MEI4: variants seen among roughly 807,000 people sequenced by gnomAD.
MEI4 encodes the protein meiotic double-stranded break formation protein 4.
MEI4 carries 27 observed loss-of-function variants against 31.4 expected under a neutral mutation model. The ratio of observed to expected loss-of-function variants is 0.86; its 90% CI spans 0.63 to 1.19. The LOEUF is 1.19. Ranked by LOEUF, MEI4 falls within the 50% of genes most tolerant of loss-of-function variation. MEI4 has a pLI of 0.00. For missense variants in MEI4, 329 were observed against 398.9 expected, an observed-to-expected ratio of 0.82 and a Z score of 1.49; for synonymous variants, 122 against 145.4, an observed-to-expected ratio of 0.84 and a Z score of 1.16.
chr6:77,801,267 A>C (rs1443939300), intron 3 of MEI4, among the ~76,000 whole-genome samples: 3 of 152,110 alleles, frequency 2.0e-5, no homozygotes, highest in Admixed American at 2.0e-4. Flanking sequence ...TAGATTTTCT[A>C]GTTTATTTGC....
At chr6:77,719,476 A>G (rs1766666621) in intron 2 of MEI4, among the ~76,000 whole-genome samples, 1 of 53,220 alleles carries the variant, frequency 1.9e-5, no homozygotes, top group Admixed American at 2.2e-4. Flanking sequence ...GGCAAATAGG[A>G]TAACGATACC....
chr6:77,742,697 T>C (rs1341818594), intron 2 of MEI4, among the ~76,000 whole-genome samples: 1 of 152,226 alleles, frequency 6.6e-6, no homozygotes, highest in Non-Finnish European at 1.5e-5. Flanking sequence ...TCCTTGCCCA[T>C]GCCTGTGTCC....
intron 2 of MEI4, among the ~76,000 whole-genome samples, chr6:77,725,161 G>A (rs1249208314): frequency 1.1e-5 from 1 of 94,028 alleles, no homozygotes; most frequent in East Asian, 2.8e-4. Context: ...AGCTTGATTA[G>A]ATTTTTTGTA....
At position 77,923,403 on chromosome 6, in the gene MEI4, A is replaced by T; in HGVS notation, c.*57A>T. On this transcript the variant is annotated 3_prime_UTR_variant, in exon 5 of 5. Transcript: ENST00000684080. Reference sequence around the variant, plus strand: ...GCATAATAAAGTAGAATATATGAAAATCTCATACTGAAAAGATTTTCAATA... The same window carrying T: ...GCATAATAAAGTAGAATATATGAAATTCTCATACTGAAAAGATTTTCAATA... 1 of 1,184,074 alleles carries T rather than the reference A, an allele frequency of 8.4e-7. No individual in the cohort carries two copies. The highest frequency in any genetic ancestry group is 1.1e-6 in the Non-Finnish European group (1 of 945,646). 73.3% of individuals were successfully genotyped at this position (1,184,074 alleles called of 1,614,324 possible).
rs1363753699 is a variant in MEI4, at chr6:77,925,781, T to C, written c.*2435T>C. On this transcript the variant is annotated 3_prime_UTR_variant, in exon 5 of 5. Coordinates refer to ENST00000684080, the MANE Select transcript of MEI4 (RefSeq NM_001322247.2). The stretch of plus-strand genomic sequence containing the variant: ...ATAATAAATATATGATAATATATTT[T>C]ATATGAGAGTAAATATATATTAAAT... 3 of 148,108 alleles carry C rather than the reference T, an allele frequency of 2.0e-5. No homozygotes were observed. The highest frequency in any genetic ancestry group is 6.8e-5 in the Admixed American group (1 of 14,702). 9.2% of individuals were successfully genotyped at this position (148,108 alleles called of 1,614,324 possible).
intron 4 of MEI4, among the ~76,000 whole-genome samples, chr6:77,859,552 C>T (rs184351463): frequency 6.6e-6 from 1 of 152,228 alleles, no homozygotes; most frequent in Admixed American, 6.5e-5. Context: ...TTTTAATAAT[C>T]GCCATTCTGA....
At chr6:77,729,215 G>A (rs141315092) in intron 2 of MEI4, among the ~76,000 whole-genome samples, 1 of 152,280 alleles carries the variant, frequency 6.6e-6, no homozygotes, top group Non-Finnish European at 1.5e-5. Flanking sequence ...AAGAATAGTA[G>A]TGTAAACATA....
Position 77,920,258 on chromosome 6 carries a change from C to A in MEI4, c.901-2831C>A, listed in dbSNP as rs563977776. Reference sequence around the variant, plus strand: ...TGATGCAAAAATCCTCAACAAAATTCTGGCAAATCGAATCCAGCAGCACAT... The same window carrying A: ...TGATGCAAAAATCCTCAACAAAATTATGGCAAATCGAATCCAGCAGCACAT... On this transcript the variant is annotated intron_variant, in intron 4 of 4. Coordinates refer to ENST00000684080, the MANE Select transcript of MEI4 (RefSeq NM_001322247.2). 1.2e-4 allele frequency among the ~76,000 whole-genome samples: 18 copies of A among 152,110 alleles called. 1 individual carries two copies. In the South Asian group the frequency reaches 3.7e-3, roughly 32 times the overall value.
intron 4 of MEI4, among the ~76,000 whole-genome samples, chr6:77,891,280 A>G (rs2127732104): frequency 6.6e-6 from 1 of 152,040 alleles, no homozygotes; most frequent in East Asian, 1.9e-4. Context: ...AAATTCATGT[A>G]TTTCTTCACT....
chr6:77,826,564 A>T (rs1004831695), intron 3 of MEI4, among the ~76,000 whole-genome samples: 1 of 152,178 alleles, frequency 6.6e-6, no homozygotes, highest in Non-Finnish European at 1.5e-5. Context: ...GGTAAACCAA[A>T]TGGTAATATG....
intron 3 of MEI4, among the ~76,000 whole-genome samples, chr6:77,775,348 C>T (rs1455197768): frequency 2.6e-5 from 4 of 152,106 alleles, no homozygotes; most frequent in African/African-American, 7.2e-5. Flanking sequence ...CCACCCTTTC[C>T]CCCGAGTCCC....
At chr6:77,792,759 C>A (rs568992247) in intron 3 of MEI4, among the ~76,000 whole-genome samples, 65 of 151,910 alleles carry the variant, frequency 4.3e-4, no homozygotes, top group African/African-American at 1.6e-3. Flanking sequence ...ATTGCACAGG[C>A]TGGAGTGCAG....
At chr6:77,895,686 T>C (rs1485588048) in intron 4 of MEI4, among the ~76,000 whole-genome samples, 1 of 152,144 alleles carries the variant, frequency 6.6e-6, no homozygotes, top group East Asian at 1.9e-4. Flanking sequence ...GTGGAGATCA[T>C]GTCCTATTCA....
intron 2 of MEI4, among the ~76,000 whole-genome samples, chr6:77,697,058 G>T (rs1379828145): frequency 2.0e-5 from 3 of 152,298 alleles, no homozygotes; most frequent in South Asian, 2.1e-4. Flanking sequence ...TTGTGTAGAG[G>T]TGTTTGTAGT....
At chr6:77,665,399 G>C (rs950050047) in intron 1 of MEI4, among the ~76,000 whole-genome samples, 1 of 152,064 alleles carries the variant, frequency 6.6e-6, no homozygotes, top group African/African-American at 2.4e-5. Flanking sequence ...AAGGGGTTGA[G>C]GGGTACTTGC....
chr6:77,864,441 A>C (rs1770960888), intron 4 of MEI4, among the ~76,000 whole-genome samples: 1 of 152,200 alleles, frequency 6.6e-6, no homozygotes, highest in South Asian at 2.1e-4. Flanking sequence ...CTAGTCTCTG[A>C]TAAAACAGAC....
intron 3 of MEI4, among the ~76,000 whole-genome samples, chr6:77,762,856 C>G (rs1351025197): frequency 6.6e-6 from 1 of 152,132 alleles, no homozygotes; most frequent in African/African-American, 2.4e-5. Flanking sequence ...AATTAAATAT[C>G]AGATTTGCCA....
intron 2 of MEI4, among the ~76,000 whole-genome samples, chr6:77,728,090 A>G (rs573608843): frequency 1.1e-4 from 16 of 152,338 alleles, no homozygotes; most frequent in Admixed American, 9.2e-4. Context: ...TTAAAATTGC[A>G]GACTTGTTGT....
At chr6:77,651,580 C>T (rs1768301718), upstream of MEI4, among the ~76,000 whole-genome samples, 1 of 152,232 alleles carries the variant, frequency 6.6e-6, no homozygotes, top group Admixed American at 6.5e-5. Flanking sequence ...TATTTAAAAT[C>T]GAGAGATTTA....
Sources: allele counts gnomAD v4.1 joint callset (sites outside exome capture counted in the v4.1 genomes callset), GRCh38; gene constraint gnomAD v4.1.1; transcripts MANE v1.5; gene names NCBI Gene and HGNC (gene_info 2026-07-23, HGNC 2026-07-21).